Variants in RBFOX1 observed in about 807,000 individuals in gnomAD.
RBFOX1 encodes the protein RNA binding fox-1 homolog 1.
Under a neutral mutation model 57.7 loss-of-function variants are expected in RBFOX1, and 8 were observed. The ratio of observed to expected loss-of-function variants is 0.14; its 90% CI spans 0.08 to 0.25. RBFOX1 has a LOEUF of 0.25. Among genes scored for constraint, RBFOX1 ranks in the 10% least tolerant of loss-of-function variants. The pLI, the probability that RBFOX1 is intolerant of heterozygous loss-of-function variation, is 1.00. For synonymous variants in RBFOX1, 326 were observed against 222.4 expected, an observed-to-expected ratio of 1.47 and a Z score of -4.15; for missense variants, 611 against 548.5, an observed-to-expected ratio of 1.11 and a Z score of -1.14.
intron 3 of RBFOX1, among the ~76,000 whole-genome samples, chr16:5,860,883 G>T (rs1300549932): frequency 6.6e-6 from 1 of 152,126 alleles, no homozygotes; most frequent in African/African-American, 2.4e-5. Flanking sequence ...CGTTCTTCTG[G>T]GCTTATTTGT....
intron 7 of RBFOX1, among the ~76,000 whole-genome samples, chr16:7,592,156 C>G (rs1193523982): frequency 1.3e-5 from 2 of 152,184 alleles, no homozygotes; most frequent in East Asian, 1.9e-4. Flanking sequence ...TGTCAAATCT[C>G]AACTCTAAAT....
intron 3 of RBFOX1, among the ~76,000 whole-genome samples, chr16:6,660,251 T>A (rs1196683241): frequency 6.6e-6 from 1 of 151,208 alleles, no homozygotes; most frequent in Admixed American, 6.6e-5. Flanking sequence ...AGCAAGAAAT[T>A]CTTGCTTAAA....
chr16:6,309,445 T>G lies in RBFOX1; in HGVS notation c.-126-7550T>G, dbSNP rs182960661. On this transcript the variant is annotated intron_variant, in intron 1 of 15. Transcript: ENST00000550418. ...GGAACCAGGGACCCAAACTTGCCCC[T>G]TGGGTTTTCATTTACAGTTAGGCAC... 5.5e-3 allele frequency among the ~76,000 whole-genome samples: 839 copies of G among 152,234 alleles called. 10 individuals are homozygous for G. The highest frequency in any genetic ancestry group is 0.02 in the African/African-American group (818 of 41,528).
intron 3 of RBFOX1, among the ~76,000 whole-genome samples, chr16:6,895,953 T>TG (rs1265893396): frequency 2.0e-5 from 3 of 152,148 alleles, no homozygotes; most frequent in African/African-American, 7.2e-5. Context: ...TATATATTTG[T>TG]GGGGTACCAA....
intron 1 of RBFOX1, among the ~76,000 whole-genome samples, chr16:5,244,821 C>G (rs1377267932): frequency 1.3e-5 from 2 of 152,222 alleles, no homozygotes; most frequent in African/African-American, 4.8e-5. Flanking sequence ...GAGCACATTC[C>G]TGTTAGCTAT....
chr16:6,639,258 T>C (rs1007258119), intron 2 of RBFOX1, among the ~76,000 whole-genome samples: 3 of 152,234 alleles, frequency 2.0e-5, no homozygotes, highest in Non-Finnish European at 4.4e-5. Flanking sequence ...TGGAATCTGA[T>C]GTCTTTCTGT....
At chr16:6,705,950 G>A (rs1168189745) in intron 3 of RBFOX1, among the ~76,000 whole-genome samples, 5 of 152,142 alleles carry the variant, frequency 3.3e-5, no homozygotes, top group African/African-American at 1.2e-4. Flanking sequence ...CCTGGGAGGT[G>A]GAGGCTACAG....
At chr16:5,311,802 G>T (rs116555898) in intron 1 of RBFOX1, among the ~76,000 whole-genome samples, 299 of 152,270 alleles carry the variant, frequency 2.0e-3, no homozygotes, top group African/African-American at 6.7e-3. Context: ...TTACAGATGC[G>T]TTGGCCTCTT....
chr16:5,795,379 T>C (rs895480296), intron 3 of RBFOX1, among the ~76,000 whole-genome samples: 3 of 152,022 alleles, frequency 2.0e-5, no homozygotes, highest in Non-Finnish European at 4.4e-5. Context: ...TCATGGCTCA[T>C]TGCTGTGTCA....
chr16:6,904,947 A>G (rs1459700407), intron 3 of RBFOX1, among the ~76,000 whole-genome samples: 3 of 152,190 alleles, frequency 2.0e-5, no homozygotes, highest in Admixed American at 6.5e-5. Context: ...CTGGGTAAAC[A>G]AAAGCAGTGG....
At chr16:5,750,954 C>T (rs867797373) in intron 3 of RBFOX1, among the ~76,000 whole-genome samples, 52 of 152,314 alleles carry the variant, frequency 3.4e-4, no homozygotes, top group African/African-American at 1.2e-3. Context: ...GCGTTGCTCA[C>T]GCTGGGAGCT....
intron 4 of RBFOX1, among the ~76,000 whole-genome samples, chr16:7,225,905 A>AATAAATATATATATATATAT (rs66510060): frequency 6.4e-5 from 6 of 93,720 alleles, no homozygotes; most frequent in African/African-American, 2.9e-4. Flanking sequence ...AAGTATAATA[A>AATAAATATATATATATATAT]ATATATATAT....
chr16:5,270,745 A>C, intron 1 of RBFOX1: 1 of 475,340 alleles, frequency 2.1e-6, no homozygotes, highest in Non-Finnish European at 3.9e-6. Context: ...GATACCAGAT[A>C]ACATCGGAAA....
Position 5,863,315 on chromosome 16 carries a change from C to T in RBFOX1, c.319-3988C>T, listed in dbSNP as rs186826264. ...AGTCCTGCTGGAAGTTTCCCACGTC[C>T]GTTTTGCACCCTGCGCTGGTCCACA... On this transcript the variant is annotated intron_variant, in intron 3 of 19. Coordinates refer to the RBFOX1 transcript ENST00000641259. 1.5e-4 allele frequency among the ~76,000 whole-genome samples: 23 copies of T among 152,302 alleles called. No individual in the cohort carries two copies. In the East Asian group the frequency reaches 1.9e-3, roughly 13 times the overall value.
At chr16:7,544,562 G>C (rs1040592070) in intron 5 of RBFOX1, among the ~76,000 whole-genome samples, 1 of 152,086 alleles carries the variant, frequency 6.6e-6, no homozygotes, top group African/African-American at 2.4e-5. Context: ...CTAATACCAG[G>C]GACACCAAGG....
chr16:7,062,855 C>T (rs917381889), intron 4 of RBFOX1, among the ~76,000 whole-genome samples: 2 of 144,632 alleles, frequency 1.4e-5, no homozygotes, highest in African/African-American at 2.6e-5. Context: ...TCCATCTATC[C>T]GTCCCTTAAG....
chr16:6,083,010 G>GTTTT (rs1555500859), intron 1 of RBFOX1, among the ~76,000 whole-genome samples: 21 of 126,356 alleles, frequency 1.7e-4, no homozygotes, highest in Non-Finnish European at 2.6e-4. Context: ...TTGTTTGTTT[G>GTTTT]TTTGTTTTTT....
At chr16:6,207,754 T>C (rs11642891) in intron 1 of RBFOX1, among the ~76,000 whole-genome samples, 63,837 of 151,840 alleles carry the variant, frequency 0.42, 13,647 homozygotes, top group East Asian at 0.72. Flanking sequence ...GTGGTGCGCA[T>C]GTAAGTAACT....
intron 4 of RBFOX1, among the ~76,000 whole-genome samples, chr16:5,914,637 C>T (rs375280388): frequency 6.6e-6 from 1 of 152,206 alleles, no homozygotes; most frequent in African/African-American, 2.4e-5. Context: ...TGGCTCATGC[C>T]TGTAATCCCA....
Sources: gnomAD v4.1 joint callset for allele counts (sites outside exome capture counted in the v4.1 genomes callset) on GRCh38, gnomAD v4.1.1 for gene constraint, MANE v1.5 for transcripts, NCBI Gene and HGNC (gene_info 2026-07-23, HGNC 2026-07-21) for gene names.